The following PDE4B variants were observed in gnomAD, a reference collection of about 807,000 sequenced individuals.
PDE4B encodes phosphodiesterase 4B.
Under a neutral mutation model 82.2 loss-of-function variants are expected in PDE4B, and 20 were observed. That is an observed-to-expected ratio of 0.24 (90% CI 0.17 to 0.35). The LOEUF (loss-of-function observed/expected upper bound fraction) is 0.35, where lower values mean the gene tolerates loss of function less well. PDE4B is among the 10% of genes least tolerant of loss of function. PDE4B has a pLI of 1.00. For missense variants in PDE4B, 655 were observed against 907.2 expected (o/e 0.72, Z 3.57); for synonymous variants, 320 against 318.9 (o/e 1.00, Z -0.04).
rs528480040 is a variant in PDE4B at position 66,283,218 on chromosome 1, T to A, written c.634+17131T>A. On this transcript the variant is annotated intron_variant, in intron 7 of 16. Transcript: ENST00000341517. ...CTTTCTGCATACCTCAGTTGCTTCA[T>A]CCTCATTTTCTTCATCTTTAAAATT... Among the ~76,000 whole-genome samples the A allele has an allele frequency of 1.6e-3, 243 of 152,280 alleles. 1 individual carries two copies. Among genetic ancestry groups the A allele is most frequent in the African/African-American group, 5.3e-3 (219 of 41,554 alleles).
At chr1:65,920,881 G>C (rs920333412) in intron 3 of PDE4B, among the ~76,000 whole-genome samples, 1 of 150,828 alleles carries the variant, frequency 6.6e-6, no homozygotes, top group Non-Finnish European at 1.5e-5. Flanking sequence ...CAATTAACAG[G>C]ATACTTTTTA....
intron 3 of PDE4B, among the ~76,000 whole-genome samples, chr1:66,129,933 A>G (rs1378377989): frequency 6.6e-6 from 1 of 152,206 alleles, no homozygotes; most frequent in Non-Finnish European, 1.5e-5. Context: ...CTAATGTGAA[A>G]TAATTTAATT....
At chr1:65,955,641 G>A (rs1170703533) in intron 3 of PDE4B, among the ~76,000 whole-genome samples, 3 of 152,082 alleles carry the variant, frequency 2.0e-5, no homozygotes, top group Non-Finnish European at 2.9e-5. Flanking sequence ...TTCCTCAAGA[G>A]CAGGGTGTTA....
At chr1:66,225,193 TG>T (rs1230615548) in intron 3 of PDE4B, among the ~76,000 whole-genome samples, 3 of 152,200 alleles carry the variant, frequency 2.0e-5, no homozygotes, top group Non-Finnish European at 4.4e-5. Context: ...CCAGTTACTG[TG>T]TCATGTCTGG....
intron 3 of PDE4B, among the ~76,000 whole-genome samples, chr1:66,225,629 G>T (rs530555082): frequency 1.3e-5 from 2 of 152,256 alleles, no homozygotes; most frequent in African/African-American, 4.8e-5. Flanking sequence ...ACTAGATTTG[G>T]GCTCTAGAAA....
intron 3 of PDE4B, among the ~76,000 whole-genome samples, chr1:66,209,101 C>G (rs1013668761): frequency 1.6e-4 from 24 of 152,252 alleles, no homozygotes; most frequent in Admixed American, 2.6e-4. Flanking sequence ...AAGCCTTAGA[C>G]CTTTTTCATT....
intron 3 of PDE4B, among the ~76,000 whole-genome samples, chr1:66,033,983 C>T (rs902622283): frequency 4.6e-5 from 7 of 152,150 alleles, no homozygotes; most frequent in African/African-American, 1.7e-4. Flanking sequence ...ACACCCCTAT[C>T]CTGAACGTGT....
Position 66,368,831 on chromosome 1 carries a change from C to G in PDE4B, c.1707C>G (p.Thr569=), listed in dbSNP as rs775787595. Residue 569 remains threonine, a synonymous_variant, in exon 16 of 17, where the codon ACC becomes ACG. Coordinates refer to ENST00000341517, the MANE Select transcript of PDE4B (RefSeq NM_002600.4). ...MVHCADLSNP[T]KSLELYRQWT... ...ACTGTGCAGACCTGAGCAACCCCAC[C>G]AAGTCCTTGGAATTGTATCGGCAAT... is the stretch of plus-strand genomic sequence containing the variant. 1 of 1,612,758 alleles carries G rather than the reference C, an allele frequency of 6.2e-7. No homozygotes were observed. Among genetic ancestry groups the G allele is most frequent in the South Asian group, 1.1e-5 (1 of 90,894 alleles).
chr1:66,315,147 G>A (rs866092934), intron 7 of PDE4B, among the ~76,000 whole-genome samples: 4 of 152,150 alleles, frequency 2.6e-5, no homozygotes, highest in African/African-American at 9.7e-5. Context: ...TATCTCACAA[G>A]GTTGTTTTGA....
At chr1:66,242,292 A>G (rs1406498483) in intron 3 of PDE4B, among the ~76,000 whole-genome samples, 2 of 152,222 alleles carry the variant, frequency 1.3e-5, no homozygotes, top group East Asian at 3.8e-4. Context: ...TTAGCCTGCC[A>G]GAGTTGTTAT....
intron 3 of PDE4B, among the ~76,000 whole-genome samples, chr1:66,236,426 A>C (rs923346336): frequency 6.6e-6 from 1 of 152,156 alleles, no homozygotes; most frequent in Non-Finnish European, 1.5e-5. Flanking sequence ...GATTTTAATA[A>C]GAAGAAAAAA....
chr1:65,840,810 G>A (rs1360209493), intron 1 of PDE4B, among the ~76,000 whole-genome samples: 1 of 152,110 alleles, frequency 6.6e-6, no homozygotes, highest in Non-Finnish European at 1.5e-5. Flanking sequence ...AGCTGAACTC[G>A]TAAAAGGCAG....
intron 3 of PDE4B, among the ~76,000 whole-genome samples, chr1:66,100,207 C>A (rs548213432): frequency 3.3e-5 from 5 of 152,142 alleles, no homozygotes; most frequent in African/African-American, 9.6e-5. Flanking sequence ...GTGCGCACCA[C>A]CACGCTGACT....
chr1:66,370,523 C>A (rs1194082961), intron 16 of PDE4B, among the ~76,000 whole-genome samples: 1 of 152,192 alleles, frequency 6.6e-6, no homozygotes, highest in Non-Finnish European at 1.5e-5. Flanking sequence ...ATCTTAGGGA[C>A]AGGTCTTCCT....
At chr1:66,357,731 T>A (rs777653219) in intron 9 of PDE4B, among the ~76,000 whole-genome samples, 5 of 152,070 alleles carry the variant, frequency 3.3e-5, no homozygotes, top group Non-Finnish European at 5.9e-5. Context: ...ATTTTAAATG[T>A]TCTTGAGAAA....
intron 10 of PDE4B, among the ~76,000 whole-genome samples, chr1:66,362,744 G>T (rs1662880954): frequency 1.3e-5 from 2 of 152,110 alleles, no homozygotes; most frequent in Admixed American, 6.6e-5. Context: ...CTGGCCTTCA[G>T]TGATGATAAC....
At chr1:66,157,859 TC>T (rs1646531516) in intron 3 of PDE4B, among the ~76,000 whole-genome samples, 1 of 152,170 alleles carries the variant, frequency 6.6e-6, no homozygotes, top group Non-Finnish European at 1.5e-5. Flanking sequence ...TGTTTTTTTT[TC>T]ATGATCAAAG....
chr1:65,970,620 A>G (rs575461437), intron 3 of PDE4B, among the ~76,000 whole-genome samples: 136 of 152,298 alleles, frequency 8.9e-4, no homozygotes, highest in African/African-American at 3.1e-3. Context: ...TAACAAGTAT[A>G]TAATGTAATA....
At chr1:65,949,020 A>T (rs556220354) in intron 3 of PDE4B, among the ~76,000 whole-genome samples, 1 of 151,972 alleles carries the variant, frequency 6.6e-6, no homozygotes, top group African/African-American at 2.4e-5. Context: ...AGCCCTTTCC[A>T]TAAATTCTGT....
Sources: allele counts gnomAD v4.1 joint callset (sites outside exome capture counted in the v4.1 genomes callset), GRCh38; gene constraint gnomAD v4.1.1; transcripts MANE v1.5; gene names NCBI Gene and HGNC (gene_info 2026-07-23, HGNC 2026-07-21).